ABCC11: variants seen among roughly 807,000 people sequenced by gnomAD.
ABCC11 encodes the protein ATP-binding cassette sub-family C member 11.
A neutral mutation model predicts 149.3 loss-of-function variants in ABCC11; 135 were observed. The ratio of observed to expected loss-of-function variants is 0.90; its 90% CI spans 0.79 to 1.04. The LOEUF is 1.04. Among genes scored for constraint, ABCC11 ranks in the 50% least tolerant of loss-of-function variants. ABCC11 has a pLI of 0.00. For synonymous variants in ABCC11, 665 were observed against 671.4 expected (o/e 0.99, Z 0.15); for missense variants, 1,680 against 1,722.1 (o/e 0.98, Z 0.43).
chr16:48,215,466 T>A (rs1879947989), intron 7 of ABCC11, 122 bp from the exon 8 acceptor site: 1 of 1,184,782 alleles, frequency 8.4e-7, no homozygotes, highest in Non-Finnish European at 1.2e-6. Flanking sequence ...GGTTTTCCAA[T>A]CAAAGCTCTC....
chr16:48,192,303 A>G (rs1966993472), intron 20 of ABCC11, among the ~76,000 whole-genome samples: 1 of 151,916 alleles, frequency 6.6e-6, no homozygotes, highest in Non-Finnish European at 1.5e-5. Flanking sequence ...AATTAGTCAG[A>G]TCTAGTGGCA....
intron 1 of ABCC11, among the ~76,000 whole-genome samples, chr16:48,233,491 G>A (rs1466446995): frequency 6.6e-6 from 1 of 152,200 alleles, no homozygotes; most frequent in Non-Finnish European, 1.5e-5. Flanking sequence ...AAAAGAGAGA[G>A]AAGGAGGTGT....
intron 4 of ABCC11, among the ~76,000 whole-genome samples, chr16:48,227,040 A>C (rs73546439): frequency 0.13 from 20,005 of 152,222 alleles, 1,627 homozygotes; most frequent in African/African-American, 0.23. Flanking sequence ...GGTGGGTGGT[A>C]CAAGAAATTT....
rs373302922 is a variant in ABCC11, at chr16:48,170,892, C to T, written c.3774G>A (p.Lys1258=). Residue 1258 remains lysine (K), a synonymous_variant, in exon 27 of 30, where the codon AAG becomes AAA. Coordinates refer to ENST00000356608, the MANE Select transcript of ABCC11 (RefSeq NM_001370497.1). ...CTTGGGCCTTGGAGCTACTTACGGC[C>T]TTGGTCAGGAATGTCCTCTCCAAGG... ...WDALERTFLT[K]AISKFPKKLH... 3.0e-5 allele frequency: 49 copies of T among 1,613,338 alleles called. No homozygotes were observed. The East Asian group carries it at 6.9e-4, about 23-fold the overall frequency.
In ABCC11 at chr16:48,205,380, C is replaced by T. The variant is rs765860319; in HGVS notation, c.1805+33G>A. ...GGTGCCCCCAGACCAGCCACATGCC[C>T]TGTACTCTCCCTTTCCCCTCCCAGG... On this transcript the variant is annotated intron_variant, in intron 13 of 29. Coordinates refer to ENST00000356608, the MANE Select transcript of ABCC11 (RefSeq NM_001370497.1). The T allele has an allele frequency of 1.1e-5, 17 of 1,613,648 alleles. No homozygotes were observed. In the East Asian group the frequency reaches 3.3e-4, roughly 32 times the overall value.
At chr16:48,177,175 G>A (rs1027095922) in intron 24 of ABCC11, 62 bp from the exon 25 acceptor site, 17 of 1,521,852 alleles carry the variant, frequency 1.1e-5, no homozygotes, top group East Asian at 4.6e-5. Flanking sequence ...CATCCCCTGC[G>A]GGCCTGCCAG....
chr16:48,202,124 A>T (rs1456521245), intron 14 of ABCC11, among the ~76,000 whole-genome samples: 2 of 152,186 alleles, frequency 1.3e-5, no homozygotes, highest in African/African-American at 4.8e-5. Flanking sequence ...ATAATAGTTA[A>T]CACTTACTCT....
intron 14 of ABCC11, among the ~76,000 whole-genome samples, chr16:48,201,046 G>A (rs893905489): frequency 2.0e-5 from 3 of 152,200 alleles, no homozygotes; most frequent in Middle Eastern, 3.4e-3. Flanking sequence ...GTGGTTAGTA[G>A]GGGATGAATA....
intron 22 of ABCC11, among the ~76,000 whole-genome samples, chr16:48,186,643 T>C (rs1490304031): frequency 6.6e-6 from 1 of 152,258 alleles, no homozygotes; most frequent in African/African-American, 2.4e-5. Context: ...AGAAATAACA[T>C]AATGCAAGAT....
chr16:48,187,130 C>T, intron 21 of ABCC11, 40 bp from the exon 22 acceptor site: 1 of 1,613,884 alleles, frequency 6.2e-7, no homozygotes, highest in Non-Finnish European at 8.5e-7. Context: ...GACCGTCCAC[C>T]TCTGGGACCA....
chr16:48,180,568 T>C (rs1016634206), intron 23 of ABCC11, among the ~76,000 whole-genome samples: 1 of 152,246 alleles, frequency 6.6e-6, no homozygotes, highest in African/African-American at 2.4e-5. Context: ...ATCTCTGGCA[T>C]TTACTGAGAA....
At chr16:48,170,340 CTG>C (rs1194030175) in intron 27 of ABCC11, 122 bp from the exon 28 acceptor site, 38 of 771,134 alleles carry the variant, frequency 4.9e-5, no homozygotes, top group Non-Finnish European at 7.2e-5. Context: ...GCTCCAGCCT[CTG>C]TTTTCTTGCT....
At chr16:48,179,030 G>C (rs926703580) in intron 23 of ABCC11, among the ~76,000 whole-genome samples, 2 of 152,220 alleles carry the variant, frequency 1.3e-5, no homozygotes, top group African/African-American at 2.4e-5. Context: ...AGGTTACTGA[G>C]AATGAACTTT....
At chr16:48,213,039 T>C (rs1289742519) in intron 10 of ABCC11, among the ~76,000 whole-genome samples, 1 of 152,218 alleles carries the variant, frequency 6.6e-6, no homozygotes, top group Non-Finnish European at 1.5e-5. Flanking sequence ...TAGAATGTGG[T>C]CCAGGGTCAC....
chr16:48,236,309 AG>A (rs1010982520), intron 1 of ABCC11, among the ~76,000 whole-genome samples: 3 of 152,122 alleles, frequency 2.0e-5, no homozygotes, highest in African/African-American at 7.2e-5. Flanking sequence ...CTCCTTGCAG[AG>A]CTGGTTCATT....
intron 11 of ABCC11, 168 bp downstream of exon 11, chr16:48,210,780 G>T: frequency 2.0e-6 from 2 of 984,226 alleles, no homozygotes; most frequent in Non-Finnish European, 2.9e-6. Context: ...ATTAAAAAAT[G>T]AACGATATCC....
rs773148405 is a variant in ABCC11, at chr16:48,208,467, C to A, written c.1638G>T (p.Thr546=). 1 of 1,614,032 alleles carries A rather than the reference C, an allele frequency of 6.2e-7. No individual in the cohort carries two copies. Among genetic ancestry groups the A allele is most frequent in the Admixed American group, 1.7e-5 (1 of 60,006 alleles). Residue 546 remains threonine, a synonymous_variant, in exon 12 of 30, where the codon ACG becomes ACT. Coordinates refer to ENST00000356608, the MANE Select transcript of ABCC11 (RefSeq NM_001370497.1). Reference sequence around the variant, plus strand: ...ACAACAGGCTGCTCTTACCACTCCCCGTGTTGCCGCAGACCCCTAACATCA... The same window carrying A: ...ACAACAGGCTGCTCTTACCACTCCCAGTGTTGCCGCAGACCCCTAACATCA... ...KGMMLGVCGN[T]GSGKSSLLSA...
intron 12 of ABCC11, among the ~76,000 whole-genome samples, chr16:48,205,747 C>G (rs1968383741): frequency 6.6e-6 from 1 of 152,154 alleles, no homozygotes; most frequent in Non-Finnish European, 1.5e-5. Context: ...GGAGATAAGC[C>G]CAGCCAGGTC....
intron 1 of ABCC11, among the ~76,000 whole-genome samples, chr16:48,240,511 T>C (rs7202089): frequency 0.13 from 19,794 of 150,696 alleles, 1,600 homozygotes; most frequent in African/African-American, 0.24. Context: ...AACAACACAA[T>C]GTGGCCTGAT....
Sources: allele counts gnomAD v4.1 joint callset (sites outside exome capture counted in the v4.1 genomes callset), GRCh38; gene constraint gnomAD v4.1.1; transcripts MANE v1.5; gene names NCBI Gene and HGNC (gene_info 2026-07-23, HGNC 2026-07-21).